Variants in SIM1 observed in about 807,000 individuals in gnomAD.
SIM1 encodes the protein SIM bHLH transcription factor 1.
SIM1 carries 18 observed loss-of-function variants against 78.2 expected under a neutral mutation model. That is an observed-to-expected ratio of 0.23 (90% CI 0.16 to 0.34). The LOEUF (loss-of-function observed/expected upper bound fraction) is 0.34. Ranked by LOEUF, SIM1 falls within the 10% of genes least tolerant of loss-of-function variation. The pLI is 1.00. For missense variants in SIM1, 939 were observed against 975.1 expected, an observed-to-expected ratio of 0.96 and a Z score of 0.49; for synonymous variants, 417 against 385.2, an observed-to-expected ratio of 1.08 and a Z score of -0.97.
chr6:100,395,911 A>G, intron 10 of SIM1: 3 of 174,474 alleles, frequency 1.7e-5, no homozygotes, highest in Non-Finnish European at 3.4e-5. Flanking sequence ...TTCCTTTGCC[A>G]TTTCTAATTA....
chr6:100,412,035 C>T (rs74476634), intron 10 of SIM1, among the ~76,000 whole-genome samples: 331 of 152,136 alleles, frequency 2.2e-3, no homozygotes, highest in African/African-American at 7.9e-3. Flanking sequence ...TATAAATGAC[C>T]TTGAGGAACA....
intron 9 of SIM1, among the ~76,000 whole-genome samples, chr6:100,427,644 G>GT (rs1354897271): frequency 1.4e-4 from 21 of 152,202 alleles, no homozygotes; most frequent in African/African-American, 4.8e-4. Context: ...CAGAGATTGT[G>GT]TAATACCTTC....
intron 10 of SIM1, among the ~76,000 whole-genome samples, chr6:100,412,687 G>GAAAGAAAGAA (rs1392079225): frequency 1.4e-3 from 33 of 23,942 alleles, no homozygotes; most frequent in African/African-American, 6.1e-3. Flanking sequence ...GAAAGAAAAA[G>GAAAGAAAGAA]AAAGAAAGAA....
intron 4 of SIM1, among the ~76,000 whole-genome samples, chr6:100,450,042 G>T (rs1458480790): frequency 1.3e-5 from 2 of 152,128 alleles, no homozygotes; most frequent in East Asian, 3.9e-4. Context: ...GCTTGACGTA[G>T]GGACTCAAAA....
intron 9 of SIM1, among the ~76,000 whole-genome samples, chr6:100,424,686 C>T (rs1237832113): frequency 6.6e-6 from 1 of 152,014 alleles, no homozygotes; most frequent in African/African-American, 2.4e-5. Context: ...AGCGATCCTC[C>T]TGCCTTGACC....
intron 9 of SIM1, among the ~76,000 whole-genome samples, chr6:100,441,674 T>C (rs1562252009): frequency 6.6e-6 from 1 of 152,206 alleles, no homozygotes. Context: ...ATTTTCTTCT[T>C]ACAAAATGAA....
intron 9 of SIM1, chr6:100,427,397 A>T (rs1349383445): frequency 6.6e-6 from 1 of 152,240 alleles, no homozygotes. Flanking sequence ...ACATAAACAT[A>T]CATTGCCTCT....
chr6:100,439,061 T>C (rs1421026338), intron 9 of SIM1, among the ~76,000 whole-genome samples: 1 of 152,028 alleles, frequency 6.6e-6, no homozygotes, highest in Non-Finnish European at 1.5e-5. Flanking sequence ...CACTAAGGAA[T>C]TTATCCATGT....
intron 10 of SIM1, among the ~76,000 whole-genome samples, chr6:100,405,963 C>A (rs970834916): frequency 3.9e-5 from 6 of 152,104 alleles, no homozygotes; most frequent in Admixed American, 3.3e-4. Context: ...ACAATCCATC[C>A]CTTTTGTAAA....
intron 9 of SIM1, among the ~76,000 whole-genome samples, chr6:100,426,442 G>A (rs764388100): frequency 6.6e-5 from 10 of 152,068 alleles, no homozygotes; most frequent in South Asian, 2.1e-4. Context: ...GCAATGCACC[G>A]TGACCACTCA....
intron 9 of SIM1, among the ~76,000 whole-genome samples, chr6:100,423,677 T>C (rs913837902): frequency 2.6e-5 from 4 of 152,168 alleles, no homozygotes; most frequent in Non-Finnish European, 4.4e-5. Flanking sequence ...CTAAGAAAGA[T>C]TGTTTTCCCC....
intron 10 of SIM1, among the ~76,000 whole-genome samples, chr6:100,406,624 T>C (rs981445778): frequency 3.3e-5 from 5 of 152,100 alleles, no homozygotes; most frequent in African/African-American, 1.2e-4. Context: ...ACAGTAAAAA[T>C]GAGGAAAACT....
Position 100,406,201 on chromosome 6 carries a change from G to T in SIM1, c.1168-12312C>A, listed in dbSNP as rs566311115. On this transcript the variant is annotated intron_variant, in intron 10 of 11. Coordinates refer to ENST00000369208, the MANE Select transcript of SIM1 (RefSeq NM_005068.3). ...CCAGTAGCACTAATTTTAATTTAAAGTAGCCCATCTTCCATGATGGGCTTC... is the reference window on the plus strand; with the variant it reads ...CCAGTAGCACTAATTTTAATTTAAATTAGCCCATCTTCCATGATGGGCTTC... Among the ~76,000 whole-genome samples, 9 of 152,240 alleles carry T rather than the reference G, an allele frequency of 5.9e-5. 1 individual carries two copies. In the South Asian group the frequency reaches 1.9e-3, roughly 32 times the overall value.
intron 10 of SIM1, among the ~76,000 whole-genome samples, chr6:100,412,669 G>GAA (rs1771255820): frequency 7.7e-5 from 9 of 117,604 alleles, no homozygotes; most frequent in Non-Finnish European, 1.2e-4. Context: ...GAGAGAGAGA[G>GAA]AGAGAAAGAA....
intron 9 of SIM1, among the ~76,000 whole-genome samples, chr6:100,445,154 A>C (rs1202606247): frequency 1.3e-5 from 2 of 152,308 alleles, no homozygotes; most frequent in African/African-American, 4.8e-5. Context: ...TGTGATATGC[A>C]CATCAAACAA....
intron 3 of SIM1, 99 bp downstream of exon 3, chr6:100,453,663 T>G (rs374189741): frequency 2.1e-4 from 195 of 933,116 alleles, no homozygotes; most frequent in Middle Eastern, 2.3e-4. Flanking sequence ...TTGTTTGTTT[T>G]TTTTTTGTTT....
chr6:100,386,484 AG>A lies in SIM1; in HGVS notation c.*3876del, dbSNP rs1240853385. Reference sequence around the variant, plus strand: ...GCCATCCATCAAACTTACTTGGTTTAGATCTTGAGGGCGGAAATCTTGTATT... The same window carrying A: ...GCCATCCATCAAACTTACTTGGTTTAATCTTGAGGGCGGAAATCTTGTATT... On this transcript the variant is annotated 3_prime_UTR_variant, in exon 12 of 12. Transcript: ENST00000369208. The A allele has an allele frequency of 1.3e-5, 2 of 152,100 alleles. No homozygotes were observed. Among genetic ancestry groups the A allele is most frequent in the Non-Finnish European group, 2.9e-5 (2 of 67,940 alleles). The allele number at this position is 152,100 out of a possible 1,614,324, so 9.4% of individuals were successfully genotyped here.
intron 10 of SIM1, among the ~76,000 whole-genome samples, chr6:100,397,556 A>T: frequency 6.6e-6 from 1 of 152,198 alleles, no homozygotes; most frequent in Non-Finnish European, 1.5e-5. Context: ...TGCAAAACCT[A>T]AGATTATAAA....
At chr6:100,462,946 A>G in intron 2 of SIM1, 1 of 196,714 alleles carries the variant, frequency 5.1e-6, no homozygotes, top group Non-Finnish European at 1.0e-5. Context: ...TTACTGGACA[A>G]AATTCTAACA....
Sources: allele counts gnomAD v4.1 joint callset (sites outside exome capture counted in the v4.1 genomes callset), GRCh38; gene constraint gnomAD v4.1.1; transcripts MANE v1.5; gene names NCBI Gene and HGNC (gene_info 2026-07-23, HGNC 2026-07-21).